CAB39: variants seen among roughly 807,000 people sequenced by gnomAD.
The protein encoded by CAB39 is calcium binding protein 39.
Under a neutral mutation model 40.0 loss-of-function variants are expected in CAB39, and 8 were observed. The ratio of observed to expected loss-of-function variants is 0.20; its 90% CI spans 0.12 to 0.36. CAB39 has a LOEUF of 0.36. Ranked by LOEUF, CAB39 falls within the 10% of genes least tolerant of loss-of-function variation. The pLI is 1.00. For missense variants in CAB39, 270 were observed against 401.1 expected, an observed-to-expected ratio of 0.67 and a Z score of 2.79; for synonymous variants, 156 against 141.6, an observed-to-expected ratio of 1.10 and a Z score of -0.72.
At chr2:230,758,223 A>G (rs1006221564) in intron 1 of CAB39, among the ~76,000 whole-genome samples, 2 of 151,612 alleles carry the variant, frequency 1.3e-5, no homozygotes, top group Non-Finnish European at 2.9e-5. Flanking sequence ...GAATCACTTG[A>G]ACCTGGGAGG....
At position 230,727,225 on chromosome 2, in the gene CAB39, A is replaced by C. The variant is rs116944411; in HGVS notation, c.-44+13995A>C. ...GTTAACCATATTTAATAATATATGT[A>C]AATATTTAAATATATATAAATTGGA... On this transcript the variant is annotated intron_variant, in intron 1 of 8. Coordinates refer to ENST00000258418, the MANE Select transcript of CAB39 (RefSeq NM_016289.4). 4.5e-3 allele frequency among the ~76,000 whole-genome samples: 677 copies of C among 150,362 alleles called. 10 individuals are homozygous for C. The East Asian group carries it at 0.06, about 13-fold the overall frequency.
chr2:230,775,322 G>A (rs951491323), intron 2 of CAB39, among the ~76,000 whole-genome samples: 1 of 144,226 alleles, frequency 6.9e-6, no homozygotes, highest in African/African-American at 2.6e-5. Flanking sequence ...CGCAACCTCC[G>A]CCTCCCGGGT....
intron 4 of CAB39, among the ~76,000 whole-genome samples, chr2:230,797,254 G>A (rs1028167852): frequency 2.0e-5 from 3 of 152,154 alleles, no homozygotes; most frequent in African/African-American, 7.2e-5. Context: ...TTGAAGTTGG[G>A]AAGATTTGGA....
At chr2:230,760,241 C>T (rs1695266481) in intron 2 of CAB39, 126 bp downstream of exon 2, 1 of 555,672 alleles carries the variant, frequency 1.8e-6, no homozygotes. Context: ...CCAAAAGCAA[C>T]ATATGCTGCT....
chr2:230,726,531 T>A (rs1304734086), intron 1 of CAB39, among the ~76,000 whole-genome samples: 1 of 152,066 alleles, frequency 6.6e-6, no homozygotes, highest in Non-Finnish European at 1.5e-5. Context: ...TCTAATATGC[T>A]TTGGCACATA....
intron 2 of CAB39, among the ~76,000 whole-genome samples, chr2:230,776,077 T>G (rs772099204): frequency 3.3e-5 from 5 of 152,116 alleles, no homozygotes; most frequent in Admixed American, 6.6e-5. Context: ...CTATGGCATG[T>G]TCAGAAAACA....
chr2:230,720,121 C>T (rs780652139), intron 1 of CAB39, among the ~76,000 whole-genome samples: 11 of 152,194 alleles, frequency 7.2e-5, no homozygotes, highest in Non-Finnish European at 1.5e-4. Flanking sequence ...AGCCTCACAT[C>T]AGTTTCGTTG....
At chr2:230,756,381 T>G (rs751917810) in intron 1 of CAB39, among the ~76,000 whole-genome samples, 1 of 152,226 alleles carries the variant, frequency 6.6e-6, no homozygotes, top group Non-Finnish European at 1.5e-5. Flanking sequence ...ATTTTTCAGC[T>G]GTTATGGGAC....
intron 1 of CAB39, among the ~76,000 whole-genome samples, chr2:230,715,637 A>G (rs1694335069): frequency 6.6e-6 from 1 of 152,236 alleles, no homozygotes; most frequent in South Asian, 2.1e-4. Flanking sequence ...CTCAGGCTGG[A>G]TATAAGCATA....
chr2:230,757,950 C>T (rs182863931), intron 1 of CAB39, among the ~76,000 whole-genome samples: 6 of 152,200 alleles, frequency 3.9e-5, no homozygotes, highest in Non-Finnish European at 8.8e-5. Flanking sequence ...ACTCCCCTAA[C>T]GTCAGTTCAA....
Position 230,819,530 on chromosome 2 carries a change from G to A in CAB39, c.*826G>A, listed in dbSNP as rs1372933046. 1 of 152,576 alleles carries A rather than the reference G, an allele frequency of 6.6e-6. No individual in the cohort carries two copies. The highest frequency in any genetic ancestry group is 6.5e-5 in the Admixed American group (1 of 15,272). 9.5% of individuals were successfully genotyped at this position (152,576 alleles called of 1,614,324 possible). A position where few individuals can be genotyped will look rare whatever the true frequency, so the allele number is the denominator to read the frequency against. On this transcript the variant is annotated 3_prime_UTR_variant, in exon 9 of 9. Coordinates refer to ENST00000258418, the MANE Select transcript of CAB39 (RefSeq NM_016289.4). ...AAATGGTTTAATTTGTACAGCAGAG[G>A]AATGTTATTGTAGTAGTATGTAACT... is the stretch of plus-strand genomic sequence containing the variant.
At chr2:230,713,755 A>C (rs1694296827) in intron 1 of CAB39, 1 of 152,328 alleles carries the variant, frequency 6.6e-6, no homozygotes, top group East Asian at 1.9e-4. Context: ...CCCCAAGCGC[A>C]GACTGCGTGC....
intron 4 of CAB39, among the ~76,000 whole-genome samples, chr2:230,797,141 C>T (rs182173241): frequency 6.6e-6 from 1 of 152,154 alleles, no homozygotes; most frequent in South Asian, 2.1e-4. Context: ...TCCAATTGTC[C>T]AGGTATGAAT....
intron 2 of CAB39, among the ~76,000 whole-genome samples, chr2:230,789,468 C>T (rs1268351155): frequency 1.3e-5 from 2 of 152,178 alleles, no homozygotes; most frequent in Non-Finnish European, 2.9e-5. Context: ...AGGACCAGAT[C>T]AGAGTTTGGC....
At chr2:230,754,374 C>CTT (rs1243382488) in intron 1 of CAB39, among the ~76,000 whole-genome samples, 84 of 125,598 alleles carry the variant, frequency 6.7e-4, no homozygotes, top group African/African-American at 9.7e-4. Context: ...TCCCCTTCTG[C>CTT]CTTCCTCTTC....
intron 1 of CAB39, among the ~76,000 whole-genome samples, chr2:230,737,431 C>A (rs1055603161): frequency 5.3e-5 from 8 of 152,168 alleles, no homozygotes; most frequent in African/African-American, 1.9e-4. Context: ...ATGTAACTTC[C>A]TTTTCAAGCC....
At chr2:230,753,704 ACT>A (rs1490729692) in intron 1 of CAB39, among the ~76,000 whole-genome samples, 2 of 150,128 alleles carry the variant, frequency 1.3e-5, no homozygotes, top group Non-Finnish European at 3.0e-5. Flanking sequence ...AGATCGCACC[ACT>A]GCACTCCATC....
At chr2:230,721,173 G>GTA (rs1224417117) in intron 1 of CAB39, among the ~76,000 whole-genome samples, 1 of 152,226 alleles carries the variant, frequency 6.6e-6, no homozygotes, top group African/African-American at 2.4e-5. Context: ...GCTCGTGCCT[G>GTA]TAATCCCAGC....
chr2:230,730,920 A>T lies in CAB39; in HGVS notation c.-44+17690A>T, dbSNP rs1227977243. Among the ~76,000 whole-genome samples, 8 of 152,242 alleles carry T rather than the reference A, an allele frequency of 5.3e-5. 1 individual carries two copies. On this transcript the variant is annotated intron_variant, in intron 1 of 8. Transcript: ENST00000258418. ...TTATACAAACTGATAACTGCCATTT[A>T]TTAGTAAGCTCCTTTTATGTTTCAA...
Sources: gnomAD v4.1 joint callset for allele counts (sites outside exome capture counted in the v4.1 genomes callset) on GRCh38, gnomAD v4.1.1 for gene constraint, MANE v1.5 for transcripts, NCBI Gene and HGNC (gene_info 2026-07-23, HGNC 2026-07-21) for gene names.